The following DAB2IP variants were observed in gnomAD, a reference collection of about 807,000 sequenced individuals.
The protein encoded by DAB2IP is disabled homolog 2-interacting protein.
Under a neutral mutation model 107.2 loss-of-function variants are expected in DAB2IP, and 28 were observed. The observed-to-expected ratio is 0.26, with a 90% CI of 0.19 to 0.36. The LOEUF is 0.36. Among genes scored for constraint, DAB2IP ranks in the 10% least tolerant of loss-of-function variants. DAB2IP has a pLI of 1.00. For missense variants in DAB2IP, 1,400 were observed against 1,644.7 expected (o/e 0.85, Z 2.57); for synonymous variants, 755 against 706.4 (o/e 1.07, Z -1.09).
intron 1 of DAB2IP, among the ~76,000 whole-genome samples, chr9:121,571,907 A>G (rs896509001): frequency 1.3e-5 from 2 of 151,990 alleles, no homozygotes; most frequent in African/African-American, 2.4e-5. Flanking sequence ...AGAAGGGGAG[A>G]GCTCGGAAAC....
chr9:121,779,567 TA>T (rs1383541589), intron 14 of DAB2IP, among the ~76,000 whole-genome samples: 1 of 152,216 alleles, frequency 6.6e-6, no homozygotes, highest in Non-Finnish European at 1.5e-5. Flanking sequence ...GGTTTCCTTT[TA>T]AGTTTTGTTA....
chr9:121,728,770 T>C (rs1366823667), intron 3 of DAB2IP, among the ~76,000 whole-genome samples: 3 of 151,016 alleles, frequency 2.0e-5, no homozygotes, highest in Admixed American at 2.0e-4. Flanking sequence ...TCTAGCTTTA[T>C]GAAGAAAATG....
At position 121,760,579 on chromosome 9, in the gene DAB2IP, A is replaced by C; in HGVS notation, c.1170+140A>C. The stretch of plus-strand genomic sequence containing the variant: ...TACCAGAAGGGCTCCCTAAACCCAA[A>C]AGTTCTATCGTGGGCTGGGGGTTTT... On this transcript the variant is annotated intron_variant, in intron 6 of 15. Coordinates refer to ENST00000408936, the Ensembl canonical transcript of DAB2IP. The surrounding 1 kb of genome is among the most constrained non-coding windows in gnomAD (Gnocchi z 5.9). The C allele has an allele frequency of 9.4e-7, 1 of 1,058,272 alleles. No individual in the cohort carries two copies. The highest frequency in any genetic ancestry group is 1.3e-6 in the Non-Finnish European group (1 of 758,248). The allele number at this position is 1,058,272 out of a possible 1,614,324, so 65.6% of individuals were successfully genotyped here. A position where few individuals can be genotyped will look rare whatever the true frequency, so the allele number is the denominator to read the frequency against.
intron 9 of DAB2IP, among the ~76,000 whole-genome samples, chr9:121,767,751 G>A (rs1443398335): frequency 6.6e-6 from 1 of 152,230 alleles, no homozygotes; most frequent in South Asian, 2.1e-4. Flanking sequence ...CAGGAGACGT[G>A]AAAGGAGAGC....
chr9:121,766,164 GCACTGGC>G (rs1834261819), intron 8 of DAB2IP, among the ~76,000 whole-genome samples: 1 of 152,224 alleles, frequency 6.6e-6, no homozygotes, highest in African/African-American at 2.4e-5. Flanking sequence ...AGGTGGTTCA[GCACTGGC>G]CCTTGGCAGT....
rs563515244 is a variant in DAB2IP at position 121,746,249 on chromosome 9, TG to T, written c.363-10759del. Reference sequence around the variant, plus strand: ...AGTCTCAGCCCAGCCTGGATGGTAATGGGGGCAGCCAGGGCTGGTTACTGAG... The same window carrying T: ...AGTCTCAGCCCAGCCTGGATGGTAATGGGGCAGCCAGGGCTGGTTACTGAG... On this transcript the variant is annotated intron_variant, in intron 3 of 15. Coordinates refer to ENST00000408936, the Ensembl canonical transcript of DAB2IP. 2.2e-3 allele frequency among the ~76,000 whole-genome samples: 331 copies of T among 152,086 alleles called. 1 individual carries two copies. The highest frequency in any genetic ancestry group is 3.3e-3 in the Non-Finnish European group (227 of 67,954).
At position 121,776,308 on chromosome 9, in the gene DAB2IP, C is replaced by T; in HGVS notation, c.3231C>T (p.Tyr1077=). 1 of 1,569,502 alleles carries T rather than the reference C, an allele frequency of 6.4e-7. No individual in the cohort carries two copies. Among genetic ancestry groups the T allele is most frequent in the Non-Finnish European group, 8.6e-7 (1 of 1,157,170 alleles). ...CGACGCAGAAGCTGGTGCTGGAGTA[C>T]CAGGCACGGCTGGAGGAGGGCGAGG... is the stretch of plus-strand genomic sequence containing the variant. The change falls in exon 14 of 16, where the codon TAC becomes TAT. Residue 1077 remains tyrosine, a synonymous_variant. Transcript: ENST00000408936. This position sits in a 1 kb window ranked among gnomAD's most constrained non-coding sequence, Gnocchi z 5.4.
intron 1 of DAB2IP, among the ~76,000 whole-genome samples, chr9:121,669,713 T>C (rs1316110521): frequency 1.3e-5 from 2 of 152,202 alleles, no homozygotes; most frequent in African/African-American, 2.4e-5. Context: ...ATGATTGGTA[T>C]TTTGTGGGTG....
At chr9:121,589,133 G>A (rs764271566) in intron 1 of DAB2IP, among the ~76,000 whole-genome samples, 3 of 151,986 alleles carry the variant, frequency 2.0e-5, no homozygotes, top group African/African-American at 4.8e-5. Context: ...TGATATGATC[G>A]GATCTGTGCT....
At chr9:121,738,346 C>T (rs1428883203) in intron 3 of DAB2IP, among the ~76,000 whole-genome samples, 1 of 152,240 alleles carries the variant, frequency 6.6e-6, no homozygotes, top group Non-Finnish European at 1.5e-5. Flanking sequence ...GTCTCTCTCT[C>T]TCTCAGTTAG....
chr9:121,689,669 C>T (rs1829066068), intron 2 of DAB2IP, among the ~76,000 whole-genome samples: 1 of 152,204 alleles, frequency 6.6e-6, no homozygotes, highest in Non-Finnish European at 1.5e-5. Flanking sequence ...CCTGGAAGTG[C>T]AGGGGAATCC....
At position 121,756,896 on chromosome 9, in the gene DAB2IP, A is replaced by T. The variant is rs1049502199; in HGVS notation, c.363-117A>T. ...CTGTCTTAAGACAGAAAGGAGAGAG[A>T]GTGGAGAGGAGTGGCTGCCTGCTGG... On this transcript the variant is annotated intron_variant, in intron 3 of 15. Transcript: ENST00000408936. 13 of 1,321,852 alleles carry T rather than the reference A, an allele frequency of 9.8e-6. No homozygotes were observed. In the Admixed American group the frequency reaches 1.8e-4, roughly 19 times the overall value. 81.9% of individuals were successfully genotyped at this position (1,321,852 alleles called of 1,614,324 possible). A position where few individuals can be genotyped will look rare whatever the true frequency, so the allele number is the denominator to read the frequency against.
intron 1 of DAB2IP, among the ~76,000 whole-genome samples, chr9:121,665,232 G>A (rs995297286): frequency 6.6e-6 from 1 of 152,186 alleles, no homozygotes; most frequent in Non-Finnish European, 1.5e-5. Flanking sequence ...GGTTGGACAT[G>A]GTGGCTCATG....
chr9:121,736,290 G>T lies in DAB2IP; in HGVS notation c.363-20723G>T, dbSNP rs1831901539. Among the ~76,000 whole-genome samples the T allele has an allele frequency of 6.6e-6, 1 of 152,224 alleles. No homozygotes were observed. The highest frequency in any genetic ancestry group is 1.5e-5 in the Non-Finnish European group (1 of 68,034). ...GGGCCAGCGGGCCAAACTGGAATGC[G>T]CCGCGAGAGCCGGGCCGCGGGCAAG... On this transcript the variant is annotated intron_variant, in intron 3 of 15. Coordinates refer to ENST00000408936, the Ensembl canonical transcript of DAB2IP. The surrounding 1 kb of genome is among the most constrained non-coding windows in gnomAD (Gnocchi z 4.6).
chr9:121,675,722 G>C (rs534985642), intron 1 of DAB2IP, among the ~76,000 whole-genome samples: 36 of 152,342 alleles, frequency 2.4e-4, no homozygotes, highest in African/African-American at 8.7e-4. Flanking sequence ...ACTGCACCCT[G>C]AGCCTCAGCT....
At chr9:121,652,724 A>G (rs1291508117) in intron 1 of DAB2IP, among the ~76,000 whole-genome samples, 1 of 152,114 alleles carries the variant, frequency 6.6e-6, no homozygotes, top group Non-Finnish European at 1.5e-5. Context: ...GTTATCTTGA[A>G]AGTGGGAAGC....
chr9:121,625,528 C>T (rs1412221901), intron 1 of DAB2IP, among the ~76,000 whole-genome samples: 6 of 152,122 alleles, frequency 3.9e-5, no homozygotes, highest in Admixed American at 6.5e-5. Flanking sequence ...TCCCAGAGTG[C>T]TGGGATTATA....
intron 1 of DAB2IP, among the ~76,000 whole-genome samples, chr9:121,592,076 T>A (rs193205281): frequency 6.6e-6 from 1 of 152,088 alleles, no homozygotes; most frequent in Non-Finnish European, 1.5e-5. Flanking sequence ...TAGGAAATAC[T>A]GCAGATCTGG....
intron 2 of DAB2IP, among the ~76,000 whole-genome samples, chr9:121,685,378 C>A (rs1226801687): frequency 1.3e-5 from 2 of 152,170 alleles, no homozygotes; most frequent in South Asian, 2.1e-4. Flanking sequence ...GGTCTTGGAG[C>A]CTCCTGAATC....
Sources: allele counts gnomAD v4.1 joint callset (sites outside exome capture counted in the v4.1 genomes callset), GRCh38; gene constraint gnomAD v4.1.1; non-coding constraint Gnocchi (gnomAD v3.1); transcripts MANE v1.5; gene names NCBI Gene and HGNC (gene_info 2026-07-23, HGNC 2026-07-21).